Variants in ZNF814 observed in about 807,000 individuals in gnomAD.
ZNF814 encodes the protein zinc finger protein 814.
ZNF814 carries 5 observed loss-of-function variants against 7.5 expected under a neutral mutation model. The ratio of observed to expected loss-of-function variants is 0.67; its 90% CI spans 0.35 to 1.40. The LOEUF is 1.40. Among genes scored for constraint, ZNF814 ranks in the 40% most tolerant of loss-of-function variants. The pLI, the probability that ZNF814 is intolerant of heterozygous loss-of-function variation, is 0.04. For synonymous variants in ZNF814, 315 were observed against 340.7 expected (o/e 0.92, Z 0.83); for missense variants, 962 against 1,018.0 (o/e 0.94, Z 0.75).
chr19:57,885,892 A>T (rs555362573), intron 1 of ZNF814: 1 of 151,094 alleles, frequency 6.6e-6, no homozygotes, highest in African/African-American at 2.4e-5. Flanking sequence ...CCTGTATCAA[A>T]ATATCTCCTG....
chr19:57,886,067 G>T (rs1176235195), intron 1 of ZNF814: 3 of 149,232 alleles, frequency 2.0e-5, no homozygotes, highest in Non-Finnish European at 1.5e-5. Flanking sequence ...ATTTAAAAAA[G>T]AAAATATTTT....
At chr19:57,883,670 A>G (rs2071666940) in intron 1 of ZNF814, among the ~76,000 whole-genome samples, 1 of 152,024 alleles carries the variant, frequency 6.6e-6, no homozygotes, top group Admixed American at 6.6e-5. Context: ...CAAAAAAAAA[A>G]AAAAAATCAA....
In ZNF814 at chr19:57,872,609, T is replaced by C. The variant is rs963710927; in HGVS notation, c.*213A>G. 1.5e-6 allele frequency: 2 copies of C among 1,317,944 alleles called. No individual in the cohort carries two copies. The highest frequency in any genetic ancestry group is 1.1e-6 in the Non-Finnish European group (1 of 939,656). 81.6% of individuals were successfully genotyped at this position (1,317,944 alleles called of 1,614,324 possible). On this transcript the variant is annotated 3_prime_UTR_variant, in exon 3 of 3. Coordinates refer to ENST00000435989, the MANE Select transcript of ZNF814 (RefSeq NM_001144989.2). ...CCAGTGTGAACTCTCCTGTGTTTAA[T>C]GAGACTGAAAGTTTCAGCAAAGGAT...
At chr19:57,897,629 C>T in the ZNF814 span, among the ~76,000 whole-genome samples, 7 of 152,168 alleles carry the variant, frequency 4.6e-5, no homozygotes, top group Non-Finnish European at 8.8e-5. Flanking sequence ...AACAATTGTC[C>T]CCCGCCACAG....
upstream of ZNF814, among the ~76,000 whole-genome samples, chr19:57,889,522 A>G (rs28438725): frequency 0.36 from 55,100 of 151,856 alleles, 10,374 homozygotes; most frequent in East Asian, 0.47. Context: ...CCGAGATCGT[A>G]CCACTGCATT....
intron 1 of ZNF814, among the ~76,000 whole-genome samples, chr19:57,877,782 G>A (rs2071617982): frequency 6.6e-6 from 1 of 152,076 alleles, no homozygotes; most frequent in African/African-American, 2.4e-5. Context: ...TTCAACTAGT[G>A]TGGGTTGATA....
chr19:57,896,943 T>C, the ZNF814 span, among the ~76,000 whole-genome samples: 7 of 152,258 alleles, frequency 4.6e-5, no homozygotes, highest in Admixed American at 6.5e-5. This position sits in a 1 kb window ranked among gnomAD's most constrained non-coding sequence, Gnocchi z 4.2. Context: ...TCAGTCCTAA[T>C]TGGGGTCAAT....
rs2071554610 is a variant in ZNF814 at position 57,871,222 on chromosome 19, T to A, written c.*1600A>T. On this transcript the variant is annotated 3_prime_UTR_variant, in exon 3 of 3. Coordinates refer to ENST00000435989, the MANE Select transcript of ZNF814 (RefSeq NM_001144989.2). ...CAATATACCTCGTAAAAGAATTTTG[T>A]CTTGTTCAAAAAATGCCAGAAATTG... is the stretch of plus-strand genomic sequence containing the variant. 1 of 152,058 alleles carries A rather than the reference T, an allele frequency of 6.6e-6. No homozygotes were observed. The highest frequency in any genetic ancestry group is 1.5e-5 in the Non-Finnish European group (1 of 68,034). 9.4% of individuals were successfully genotyped at this position (152,058 alleles called of 1,614,324 possible). A position where few individuals can be genotyped will look rare whatever the true frequency, so the allele number is the denominator to read the frequency against.
intron 1 of ZNF814, among the ~76,000 whole-genome samples, chr19:57,886,314 T>C (rs533736864): frequency 5.9e-5 from 9 of 152,140 alleles, no homozygotes; most frequent in African/African-American, 2.2e-4. Flanking sequence ...AGACTGCTTG[T>C]CTGACCTGCA....
At chr19:57,894,925 G>T in the ZNF814 span, among the ~76,000 whole-genome samples, 1 of 151,980 alleles carries the variant, frequency 6.6e-6, no homozygotes. Context: ...TTTTAGAAAC[G>T]GAGCCTTCAA....
rs73937059 is a variant in ZNF814 at position 57,877,386 on chromosome 19, G to C, written c.37-344C>G. On this transcript the variant is annotated intron_variant, in intron 1 of 2. Transcript: ENST00000435989. ...AGGTACATTCCATGTCCATCCCCAG[G>C]TGACTGCCACACACCACTGGCCTCT... Among the ~76,000 whole-genome samples, 1,223 of 152,114 alleles carry C rather than the reference G, an allele frequency of 8.0e-3. 13 individuals are homozygous for C. The highest frequency in any genetic ancestry group is 0.027 in the African/African-American group (1,140 of 41,470).
chr19:57,876,846 C>T (rs1389814952), intron 2 of ZNF814, 70 bp downstream of exon 2: 2 of 1,596,436 alleles, frequency 1.3e-6, no homozygotes, highest in African/African-American at 2.7e-5. Flanking sequence ...ATGAGAAAGT[C>T]TTACCAATGG....
chr19:57,883,304 G>A (rs950630050), intron 1 of ZNF814, among the ~76,000 whole-genome samples: 3 of 150,068 alleles, frequency 2.0e-5, no homozygotes, highest in African/African-American at 7.4e-5. Context: ...AGCCTACAGT[G>A]AGCTGAGATC....
chr19:57,875,991 C>T (rs1479463084), intron 2 of ZNF814, among the ~76,000 whole-genome samples: 8 of 106,470 alleles, frequency 7.5e-5, no homozygotes, highest in East Asian at 3.2e-4. Flanking sequence ...GATGGAGTCT[C>T]GCTCTGTCAC....
rs201087974 is a variant in ZNF814, at chr19:57,873,807, G to T, written c.1583C>A (p.Ser528Ter). ...CCTAAGATGTCCTTTTGAACTAAAT[G>T]ATTTCCCACATTCTCCACACTCATA... ...RPYECGECGKSFSSKGHLRNH... is the reference protein window; with the variant it reads ...RPYECGECGK Residue 528 changes from serine to a stop codon, truncating the protein, a stop_gained, in exon 3 of 3, where the codon TCA (serine) becomes TAA (stop). Transcript: ENST00000435989. LOFTEE classifies it low-confidence loss of function (END_TRUNC). 1.9e-6 allele frequency: 3 copies of T among 1,613,868 alleles called. No individual in the cohort carries two copies. The Admixed American group carries it at 5.0e-5, about 27-fold the overall frequency.
In ZNF814 at chr19:57,872,862, A is replaced by G. The variant is rs1482635028; in HGVS notation, c.2528T>C (p.Leu843Pro). ...CCAGTGTGAACTCTGGTGTACAAGG[A>G]GGTGAGACTTCTTGTTAAATAATTT... is the stretch of plus-strand genomic sequence containing the variant. ...CGKLFNKKSH[L>P]LVHQSSHWRK... The change falls in exon 3 of 3, where the codon CTC (leucine) becomes CCC (proline). Residue 843 changes from leucine (L) to proline (P), a missense_variant. Leu to Pro is a moderately conservative substitution (Grantham distance 98). Transcript: ENST00000435989. The G allele has an allele frequency of 8.7e-6, 14 of 1,612,742 alleles. No individual in the cohort carries two copies. The highest frequency in any genetic ancestry group is 1.2e-5 in the Non-Finnish European group (14 of 1,179,574).
At chr19:57,896,036 G>A in the ZNF814 span, among the ~76,000 whole-genome samples, 1 of 152,114 alleles carries the variant, frequency 6.6e-6, no homozygotes, top group Admixed American at 6.5e-5. This position sits in a 1 kb window ranked among gnomAD's most constrained non-coding sequence, Gnocchi z 4.2. Flanking sequence ...TTGAACACTC[G>A]AACAAACGAT....
Position 57,872,849 on chromosome 19 carries a change from C to G in ZNF814, c.2541G>C (p.Gln847His). Residue 847 changes from glutamine to histidine, a missense_variant, in exon 3 of 3, where the codon CAG becomes CAC. Gln to His is a conservative substitution (Grantham distance 24, BLOSUM62 0). Transcript: ENST00000435989. ...ATATGGCTTTTCTCCAGTGTGAACT[C>G]TGGTGTACAAGGAGGTGAGACTTCT... Reference protein sequence around the residue: ...FNKKSHLLVHQSSHWRKAI With the variant: ...FNKKSHLLVHHSSHWRKAI 3 of 1,613,014 alleles carry G rather than the reference C, an allele frequency of 1.9e-6. No individual in the cohort carries two copies. The highest frequency in any genetic ancestry group is 2.5e-6 in the Non-Finnish European group (3 of 1,179,528).
At chr19:57,882,418 G>A (rs1297228981) in intron 1 of ZNF814, among the ~76,000 whole-genome samples, 2 of 71,124 alleles carry the variant, frequency 2.8e-5, no homozygotes. Flanking sequence ...GAACACAGGC[G>A]ATAGCCATGT....
Sources: allele counts gnomAD v4.1 joint callset (sites outside exome capture counted in the v4.1 genomes callset), GRCh38; gene constraint gnomAD v4.1.1; non-coding constraint Gnocchi (gnomAD v3.1); transcripts MANE v1.5; gene names NCBI Gene and HGNC (gene_info 2026-07-23, HGNC 2026-07-21).